EFR3A: variants seen among roughly 807,000 people sequenced by gnomAD.
EFR3A encodes the protein EFR3 homolog A.
EFR3A carries 76 observed loss-of-function variants against 104.4 expected under a neutral mutation model. That is an observed-to-expected ratio of 0.73 (90% CI 0.60 to 0.88). The LOEUF (loss-of-function observed/expected upper bound fraction) is 0.88, where lower values mean the gene tolerates loss of function less well. Among genes scored for constraint, EFR3A ranks in the 40% least tolerant of loss-of-function variants. The pLI is 0.00. For missense variants in EFR3A, 985 were observed against 1,012.5 expected (o/e 0.97, Z 0.37); for synonymous variants, 330 against 330.0 (o/e 1.00, Z 0.00).
chr8:131,943,592 A>G (rs536107557), intron 2 of EFR3A, among the ~76,000 whole-genome samples: 60 of 152,144 alleles, frequency 3.9e-4, no homozygotes, highest in African/African-American at 1.3e-3. Flanking sequence ...GGGTTTCTCA[A>G]CTTAGGTTCA....
Position 131,949,951 on chromosome 8 carries a change from A to G in EFR3A, c.367-18A>G, listed in dbSNP as rs1563654725. ...TTCTGAAGAAGGTGAAGTATATTAT[A>G]TTATTTGTGTTTTTTAGTTTGTCAA... On this transcript the variant is annotated intron_variant, in intron 4 of 22. Transcript: ENST00000254624. The G allele has an allele frequency of 1.3e-6, 2 of 1,570,706 alleles. No individual in the cohort carries two copies. Among genetic ancestry groups the G allele is most frequent in the African/African-American group, 1.4e-5 (1 of 73,100 alleles).
chr8:131,929,652 G>T (rs1817485941), intron 1 of EFR3A, among the ~76,000 whole-genome samples: 1 of 152,104 alleles, frequency 6.6e-6, no homozygotes, highest in Non-Finnish European at 1.5e-5. Flanking sequence ...CCTACATTTA[G>T]TTTAGTGCCT....
chr8:131,980,695 T>G (rs1820565111), intron 14 of EFR3A, among the ~76,000 whole-genome samples: 1 of 152,104 alleles, frequency 6.6e-6, no homozygotes, highest in South Asian at 2.1e-4. Context: ...TTAGTTATTT[T>G]GAAATATACA....
chr8:131,988,321 A>G (rs1821003087), intron 18 of EFR3A, among the ~76,000 whole-genome samples: 1 of 152,242 alleles, frequency 6.6e-6, no homozygotes, highest in East Asian at 1.9e-4. Flanking sequence ...TGGTGACTAT[A>G]TAAATATTAA....
rs1305647249 is a variant in EFR3A at position 131,950,094 on chromosome 8, T to G, written c.488+4T>G. The G allele has an allele frequency of 6.2e-7, 1 of 1,600,002 alleles. No individual in the cohort carries two copies. Among genetic ancestry groups the G allele is most frequent in the Admixed American group, 1.7e-5 (1 of 58,528 alleles). The stretch of plus-strand genomic sequence containing the variant: ...GTGATCCAGAAATACGAACAGAGTA[T>G]GTATTATTTTACTTTATGATCTATA... On this transcript the variant is annotated splice_donor_region_variant and intron_variant, in intron 5 of 22. Coordinates refer to ENST00000254624, the MANE Select transcript of EFR3A (RefSeq NM_015137.6).
chr8:131,982,496 G>A (rs373090166), intron 14 of EFR3A, among the ~76,000 whole-genome samples: 1 of 151,988 alleles, frequency 6.6e-6, no homozygotes, highest in Non-Finnish European at 1.5e-5. Context: ...TCCAAGGCCT[G>A]TAAGAGAGGA....
intron 14 of EFR3A, among the ~76,000 whole-genome samples, chr8:131,983,671 A>T (rs1375582539): frequency 6.6e-6 from 1 of 152,014 alleles, no homozygotes; most frequent in East Asian, 1.9e-4. Flanking sequence ...GAACCTGCAG[A>T]TGCTCTTCTC....
rs555483359 is a variant in EFR3A, at chr8:131,960,960, T to C, written c.855+1297T>C. ...ATACCCAGGCAAACAGGGTCTGGAG[T>C]GGACCTCTGGCGAACTCCCAACAGA... On this transcript the variant is annotated intron_variant, in intron 8 of 22. Coordinates refer to ENST00000254624, the MANE Select transcript of EFR3A (RefSeq NM_015137.6). Among the ~76,000 whole-genome samples the C allele has an allele frequency of 1.5e-4, 23 of 152,192 alleles. 1 individual carries two copies. In the South Asian group the frequency reaches 1.7e-3, roughly 11 times the overall value.
Position 131,979,342 on chromosome 8 carries a change from C to G in EFR3A, c.1500-4C>G. On this transcript the variant is annotated splice_polypyrimidine_tract_variant and splice_region_variant and intron_variant, in intron 13 of 22. Coordinates refer to ENST00000254624, the MANE Select transcript of EFR3A (RefSeq NM_015137.6). ...ATTAAAAATGATATATTGATCGTCT[C>G]TAGAATAATACCGGATGTAGCTGAC... 6.4e-7 allele frequency: 1 copy of G among 1,551,194 alleles called. No homozygotes were observed. Among genetic ancestry groups the G allele is most frequent in the Non-Finnish European group, 8.7e-7 (1 of 1,143,950 alleles).
intron 1 of EFR3A, among the ~76,000 whole-genome samples, chr8:131,935,809 A>G (rs780499682): frequency 7.3e-5 from 11 of 151,716 alleles, no homozygotes; most frequent in Non-Finnish European, 1.3e-4. Flanking sequence ...TTCCAGTTAA[A>G]TTATCATTGA....
intron 1 of EFR3A, among the ~76,000 whole-genome samples, chr8:131,923,327 T>C (rs568184129): frequency 6.6e-6 from 1 of 152,282 alleles, no homozygotes. Flanking sequence ...TTTGTGGGTA[T>C]GCACTGAAGG....
chr8:131,924,303 T>A, intron 1 of EFR3A: 1 of 232,108 alleles, frequency 4.3e-6, no homozygotes, highest in South Asian at 4.1e-5. Flanking sequence ...GTTAATATAA[T>A]TAATTTTTTC....
intron 4 of EFR3A, among the ~76,000 whole-genome samples, chr8:131,947,544 TTTG>T (rs1818501284): frequency 6.6e-6 from 1 of 151,806 alleles, no homozygotes; most frequent in Non-Finnish European, 1.5e-5. Context: ...TTTTTTTCCT[TTTG>T]TTGTTGGTGT....
chr8:131,980,168 C>T (rs1005808550), intron 14 of EFR3A, among the ~76,000 whole-genome samples: 1 of 152,014 alleles, frequency 6.6e-6, no homozygotes, highest in Non-Finnish European at 1.5e-5. Flanking sequence ...GACAGAGCCC[C>T]GTAGGAAGCT....
chr8:131,991,102 A>G (rs760056227), intron 18 of EFR3A, among the ~76,000 whole-genome samples: 6 of 152,184 alleles, frequency 3.9e-5, no homozygotes, highest in East Asian at 1.9e-4. Context: ...AGGTCTCACA[A>G]TCATCATGGC....
intron 1 of EFR3A, chr8:131,924,139 A>G (rs1048990040): frequency 8.2e-5 from 36 of 440,602 alleles, no homozygotes; most frequent in Admixed American, 7.9e-4. Flanking sequence ...CTAAGGACCA[A>G]TGTAGAGATC....
chr8:131,913,421 T>C lies in EFR3A; in HGVS notation c.10+9099T>C, dbSNP rs1816610285. On this transcript the variant is annotated intron_variant, in intron 1 of 22. Coordinates refer to ENST00000254624, the MANE Select transcript of EFR3A (RefSeq NM_015137.6). ...CTCTCTGACTTTAGGTGTTATTAGA[T>C]AGTGTGATTCTAATTTTTATGGAGG... Among the ~76,000 whole-genome samples, 4 of 152,042 alleles carry C rather than the reference T, an allele frequency of 2.6e-5. No individual in the cohort carries two copies. The South Asian group carries it at 8.3e-4, about 32-fold the overall frequency.
chr8:131,973,648 A>G (rs1256163932), intron 10 of EFR3A, among the ~76,000 whole-genome samples: 1 of 152,096 alleles, frequency 6.6e-6, no homozygotes, highest in African/African-American at 2.4e-5. Flanking sequence ...CAGTTGTCAG[A>G]TCATGGCGTT....
At chr8:131,913,869 A>G (rs987517583) in intron 1 of EFR3A, among the ~76,000 whole-genome samples, 15 of 152,234 alleles carry the variant, frequency 9.9e-5, no homozygotes, top group Non-Finnish European at 1.8e-4. Context: ...TGCAGAAGGT[A>G]CTGTGCCAGG....
Sources: allele counts gnomAD v4.1 joint callset (sites outside exome capture counted in the v4.1 genomes callset), GRCh38; gene constraint gnomAD v4.1.1; transcripts MANE v1.5; gene names NCBI Gene and HGNC (gene_info 2026-07-23, HGNC 2026-07-21).